Variants in CADM2 observed in about 807,000 individuals in gnomAD.
The protein encoded by CADM2 is immunoglobulin superfamily member 4D.
In CADM2, 12 loss-of-function variants were observed where a neutral mutation model predicts 49.8. The ratio of observed to expected loss-of-function variants is 0.24; its 90% CI spans 0.15 to 0.39. The LOEUF (loss-of-function observed/expected upper bound fraction) is 0.39. Among genes scored for constraint, CADM2 ranks in the 10% least tolerant of loss-of-function variants. The pLI is 1.00. For synonymous variants in CADM2, 214 were observed against 175.4 expected (o/e 1.22, Z -1.74); for missense variants, 378 against 492.3 (o/e 0.77, Z 2.20).
At position 85,234,767 on chromosome 3, in the gene CADM2, C is replaced by T. The variant is rs376056796; in HGVS notation, c.61+275099C>T. ...TCTCTCTCCAGAGTAGTAGTACTCT[C>T]CAGAGTAGTAGTAGTTTTTTGCAAT... On this transcript the variant is annotated intron_variant, in intron 1 of 9. Transcript: ENST00000383699. Among the ~76,000 whole-genome samples the T allele has an allele frequency of 1.8e-3, 272 of 152,198 alleles. 1 individual carries two copies. Among genetic ancestry groups the T allele is most frequent in the African/African-American group, 6.3e-3 (261 of 41,544 alleles).
At chr3:85,486,150 A>G (rs1388604227) in intron 1 of CADM2, among the ~76,000 whole-genome samples, 1 of 152,266 alleles carries the variant, frequency 6.6e-6, no homozygotes, top group Middle Eastern at 3.4e-3. Context: ...TATTTAAATG[A>G]TGTAGACATT....
chr3:85,445,599 T>C (rs1483739021), intron 1 of CADM2, among the ~76,000 whole-genome samples: 3 of 152,110 alleles, frequency 2.0e-5, no homozygotes, highest in Non-Finnish European at 4.4e-5. Context: ...TATGCATTTA[T>C]CCCATCAATA....
At chr3:85,142,414 T>A (rs1409239370) in intron 1 of CADM2, among the ~76,000 whole-genome samples, 1 of 152,196 alleles carries the variant, frequency 6.6e-6, no homozygotes, top group Non-Finnish European at 1.5e-5. Flanking sequence ...GGTTCAGTGA[T>A]ATGAGAATAT....
chr3:85,125,585 C>A (rs1575927873), intron 1 of CADM2, among the ~76,000 whole-genome samples: 2 of 152,102 alleles, frequency 1.3e-5, no homozygotes, highest in East Asian at 3.9e-4. Flanking sequence ...GTCTGGAAAT[C>A]CTGAGCTCAA....
intron 5 of CADM2, among the ~76,000 whole-genome samples, chr3:85,901,647 A>G (rs563109129): frequency 6.6e-6 from 1 of 152,304 alleles, no homozygotes; most frequent in Admixed American, 6.5e-5. Context: ...TCACATAGAA[A>G]CATTATTTAG....
intron 8 of CADM2, among the ~76,000 whole-genome samples, chr3:85,997,794 T>G (rs1729614340): frequency 6.6e-6 from 1 of 152,184 alleles, no homozygotes; most frequent in Admixed American, 6.5e-5. Flanking sequence ...GCAAGCTGAC[T>G]TTGCAGCAGG....
intron 6 of CADM2, among the ~76,000 whole-genome samples, chr3:85,930,993 C>A (rs1040539054): frequency 4.6e-5 from 7 of 151,194 alleles, no homozygotes; most frequent in Non-Finnish European, 1.0e-4. Context: ...AATGTACCTT[C>A]TAAACATCAG....
chr3:85,074,795 A>G (rs1242840418), intron 1 of CADM2, among the ~76,000 whole-genome samples: 3 of 152,086 alleles, frequency 2.0e-5, no homozygotes, highest in Non-Finnish European at 2.9e-5. Flanking sequence ...TTTTGTTCTC[A>G]CGTATATCAG....
At chr3:85,427,197 TATA>T (rs1461612859) in intron 1 of CADM2, among the ~76,000 whole-genome samples, 11 of 120,730 alleles carry the variant, frequency 9.1e-5, no homozygotes, top group East Asian at 8.4e-4. Flanking sequence ...TATATATATA[TATA>T]TGTATAATAA....
At chr3:85,753,560 C>T (rs1344951336) in intron 2 of CADM2, among the ~76,000 whole-genome samples, 1 of 152,140 alleles carries the variant, frequency 6.6e-6, no homozygotes, top group Non-Finnish European at 1.5e-5. Flanking sequence ...TACCTGTTGG[C>T]ATCACATAAG....
chr3:86,035,214 G>T (rs76288680), intron 8 of CADM2, among the ~76,000 whole-genome samples: 208 of 152,062 alleles, frequency 1.4e-3, no homozygotes, highest in Non-Finnish European at 9.3e-4. Context: ...TTCCCCATAG[G>T]TCGTGATCTC....
chr3:85,340,895 A>G (rs2045222034), intron 1 of CADM2, among the ~76,000 whole-genome samples: 1 of 151,010 alleles, frequency 6.6e-6, no homozygotes, highest in African/African-American at 2.4e-5. Flanking sequence ...GAAGCTTTGA[A>G]CTTCATTCCG....
At chr3:85,910,512 T>C (rs1717438105) in intron 5 of CADM2, among the ~76,000 whole-genome samples, 1 of 152,102 alleles carries the variant, frequency 6.6e-6, no homozygotes, top group Admixed American at 6.6e-5. Flanking sequence ...AATGGAATTG[T>C]ACCTAATTTT....
intron 1 of CADM2, among the ~76,000 whole-genome samples, chr3:85,172,960 T>C (rs2040669547): frequency 6.8e-6 from 1 of 146,878 alleles, no homozygotes; most frequent in African/African-American, 2.5e-5. Context: ...CATAAACATA[T>C]ATATATATGT....
intron 1 of CADM2, among the ~76,000 whole-genome samples, chr3:85,289,946 G>GT (rs1369729172): frequency 6.6e-6 from 1 of 152,150 alleles, no homozygotes; most frequent in African/African-American, 2.4e-5. Context: ...AGCCAAGATG[G>GT]CTGAATAGGA....
chr3:85,929,103 T>C (rs1478112071), intron 6 of CADM2, among the ~76,000 whole-genome samples: 2 of 152,092 alleles, frequency 1.3e-5, no homozygotes, highest in African/African-American at 4.8e-5. Flanking sequence ...CTATTACTAA[T>C]TGGTACAATA....
At chr3:85,336,167 T>A (rs1559786090) in intron 1 of CADM2, among the ~76,000 whole-genome samples, 1 of 151,542 alleles carries the variant, frequency 6.6e-6, no homozygotes, top group African/African-American at 2.4e-5. Flanking sequence ...CTATTGTTAC[T>A]GCCCTGCCTT....
At chr3:85,996,423 G>C (rs974364590) in intron 8 of CADM2, among the ~76,000 whole-genome samples, 1 of 150,082 alleles carries the variant, frequency 6.7e-6, no homozygotes, top group South Asian at 2.1e-4. Flanking sequence ...TTAGCATCCC[G>C]AGTAGCTGGG....
intron 1 of CADM2, among the ~76,000 whole-genome samples, chr3:85,368,424 A>G (rs1168478525): frequency 1.3e-5 from 2 of 151,952 alleles, no homozygotes; most frequent in Non-Finnish European, 2.9e-5. Flanking sequence ...ATTGCAGTCA[A>G]TTCTTAATTT....
Sources: gnomAD v4.1 joint callset for allele counts (sites outside exome capture counted in the v4.1 genomes callset) on GRCh38, gnomAD v4.1.1 for gene constraint, MANE v1.5 for transcripts, NCBI Gene and HGNC (gene_info 2026-07-23, HGNC 2026-07-21) for gene names.